The following RNF17 variants were observed in gnomAD, a reference collection of about 807,000 sequenced individuals.
RNF17 encodes ring finger protein 17.
In RNF17, 31 loss-of-function variants were observed where a neutral mutation model predicts 200.5. The ratio of observed to expected loss-of-function variants is 0.15; its 90% CI spans 0.12 to 0.21. The LOEUF (loss-of-function observed/expected upper bound fraction) is 0.21, where lower values mean the gene tolerates loss of function less well. Ranked by LOEUF, RNF17 falls within the 10% of genes least tolerant of loss-of-function variation. RNF17 has a pLI of 1.00. For synonymous variants in RNF17, 606 were observed against 637.8 expected, an observed-to-expected ratio of 0.95 and a Z score of 0.75; for missense variants, 1,628 against 1,905.1, an observed-to-expected ratio of 0.85 and a Z score of 2.71.
chr13:24,850,463 A>G lies in RNF17; in HGVS notation c.3204+20A>G, dbSNP rs1162094125. The G allele has an allele frequency of 1.9e-5, 27 of 1,393,686 alleles. No individual in the cohort carries two copies. The highest frequency in any genetic ancestry group is 2.7e-5 in the Non-Finnish European group (27 of 982,644). The allele number at this position is 1,393,686 out of a possible 1,614,324, so 86.3% of individuals were successfully genotyped here. A position where few individuals can be genotyped will look rare whatever the true frequency, so the allele number is the denominator to read the frequency against. ...AGTGAGGTAACAAGTTACAAGAGAT[A>G]TGTGCTGATGATCTCATTAATGTTT... On this transcript the variant is annotated intron_variant, in intron 23 of 35. Transcript: ENST00000255324.
chr13:24,839,018 T>C (rs2138096926), intron 18 of RNF17, among the ~76,000 whole-genome samples: 1 of 152,192 alleles, frequency 6.6e-6, no homozygotes, highest in East Asian at 1.9e-4. Flanking sequence ...AGCTCTTCTG[T>C]ACACCAACAG....
chr13:24,887,132 TAAG>T, the RNF17 span, among the ~76,000 whole-genome samples: 1 of 152,070 alleles, frequency 6.6e-6, no homozygotes, highest in Non-Finnish European at 1.5e-5. Context: ...GGGAAAGAAT[TAAG>T]AAGCACTGCC....
chr13:24,784,780 C>T (rs1566129828), intron 6 of RNF17, among the ~76,000 whole-genome samples: 2 of 152,236 alleles, frequency 1.3e-5, no homozygotes, highest in East Asian at 3.9e-4. Flanking sequence ...GACCTCGGCT[C>T]ACCAGAACCT....
intron 3 of RNF17, 108 bp from the exon 4 acceptor site, chr13:24,778,187 G>T (rs1249981834): frequency 3.0e-6 from 2 of 674,324 alleles, no homozygotes; most frequent in East Asian, 2.8e-5. Flanking sequence ...GCTGGAGCCT[G>T]GGAAGTCGAG....
intron 15 of RNF17, among the ~76,000 whole-genome samples, chr13:24,808,305 A>C (rs1033000738): frequency 4.0e-5 from 6 of 151,780 alleles, no homozygotes; most frequent in African/African-American, 1.5e-4. Context: ...ATTTGTTTGT[A>C]TCCTCTTTTA....
chr13:24,766,315 T>C (rs934118335), intron 1 of RNF17, among the ~76,000 whole-genome samples: 7 of 152,274 alleles, frequency 4.6e-5, no homozygotes, highest in African/African-American at 1.4e-4. Flanking sequence ...CTAGTTTTTT[T>C]CCCTTTTCAG....
chr13:24,809,257 T>C (rs1202950418), intron 15 of RNF17, among the ~76,000 whole-genome samples: 1 of 151,014 alleles, frequency 6.6e-6, no homozygotes, highest in African/African-American at 2.4e-5. Flanking sequence ...AGAATTCGGC[T>C]GTGAATCCAT....
At chr13:24,879,114 A>G (rs1294914084) in intron 34 of RNF17, 73 bp from the exon 35 acceptor site, 1 of 947,838 alleles carries the variant, frequency 1.1e-6, no homozygotes, top group Non-Finnish European at 1.7e-6. Flanking sequence ...ACCCGTGTGA[A>G]TGGCCAGATA....
At chr13:24,822,822 C>T (rs1888220013) in intron 15 of RNF17, among the ~76,000 whole-genome samples, 1 of 152,224 alleles carries the variant, frequency 6.6e-6, no homozygotes, top group South Asian at 2.1e-4. Context: ...GACACAGAAA[C>T]TTCTGATATC....
intron 18 of RNF17, among the ~76,000 whole-genome samples, chr13:24,832,899 A>G (rs932666027): frequency 3.3e-5 from 5 of 152,066 alleles, no homozygotes; most frequent in Non-Finnish European, 5.9e-5. Context: ...ATATGCCACC[A>G]TGGCCAGCTA....
At chr13:24,837,069 G>A (rs1200006569) in intron 18 of RNF17, among the ~76,000 whole-genome samples, 3 of 152,172 alleles carry the variant, frequency 2.0e-5, no homozygotes, top group Admixed American at 6.5e-5. Context: ...ACGAGCAAGG[G>A]TAGTTATTCT....
intron 10 of RNF17, among the ~76,000 whole-genome samples, chr13:24,795,179 A>G (rs1014092826): frequency 6.6e-6 from 1 of 152,144 alleles, no homozygotes; most frequent in African/African-American, 2.4e-5. Flanking sequence ...ATACTTGACT[A>G]TATTCATTTC....
At chr13:24,845,151 G>C in intron 22 of RNF17, 72 bp downstream of exon 22, 1 of 820,682 alleles carries the variant, frequency 1.2e-6, no homozygotes, top group East Asian at 2.5e-5. Flanking sequence ...TTTTAATTTT[G>C]CTAAGATATT....
intron 24 of RNF17, among the ~76,000 whole-genome samples, chr13:24,852,990 T>G (rs1486085833): frequency 6.6e-6 from 1 of 152,234 alleles, no homozygotes; most frequent in Non-Finnish European, 1.5e-5. Flanking sequence ...CTCAGCTCAC[T>G]GCAATCTCTG....
At chr13:24,771,552 T>G (rs1880699194) in intron 2 of RNF17, among the ~76,000 whole-genome samples, 1 of 151,810 alleles carries the variant, frequency 6.6e-6, no homozygotes, top group Non-Finnish European at 1.5e-5. Context: ...TCCCAGCCTC[T>G]CACTTTTGAT....
intron 15 of RNF17, among the ~76,000 whole-genome samples, chr13:24,814,046 C>T (rs1171210701): frequency 6.6e-6 from 1 of 151,992 alleles, no homozygotes; most frequent in Non-Finnish European, 1.5e-5. Context: ...AAACAGCTAA[C>T]ATATATTTTG....
intron 6 of RNF17, 80 bp from the exon 7 acceptor site, chr13:24,787,907 AC>A (rs749615116): frequency 3.7e-6 from 4 of 1,086,844 alleles, no homozygotes; most frequent in Non-Finnish European, 5.1e-6. Context: ...TACTGAACTT[AC>A]TCTTCAAGAT....
At chr13:24,835,274 G>T (rs1259718519) in intron 18 of RNF17, among the ~76,000 whole-genome samples, 1 of 151,988 alleles carries the variant, frequency 6.6e-6, no homozygotes, top group African/African-American at 2.4e-5. Flanking sequence ...ATATTATCTT[G>T]TGAGTTCTAC....
At chr13:24,811,795 G>A (rs1886660402) in intron 15 of RNF17, among the ~76,000 whole-genome samples, 1 of 152,178 alleles carries the variant, frequency 6.6e-6, no homozygotes, top group African/African-American at 2.4e-5. Flanking sequence ...GGTCTTTGAT[G>A]ATGGTGATGT....
Sources: gnomAD v4.1 joint callset for allele counts (sites outside exome capture counted in the v4.1 genomes callset) on GRCh38, gnomAD v4.1.1 for gene constraint, MANE v1.5 for transcripts, NCBI Gene and HGNC (gene_info 2026-07-23, HGNC 2026-07-21) for gene names.